IQCM: variants seen among roughly 807,000 people sequenced by gnomAD.
The protein encoded by IQCM is IQ domain-containing protein M.
Under a neutral mutation model 57.6 loss-of-function variants are expected in IQCM, and 45 were observed. The observed-to-expected ratio is 0.78, with a 90% CI of 0.62 to 1.00. IQCM has a LOEUF of 1.00. IQCM is among the 50% of genes least tolerant of loss of function. The probability of loss-of-function intolerance (pLI) is 0.00; values close to 1 mark genes in which losing one functional copy is unlikely to be tolerated. For synonymous variants in IQCM, 148 were observed against 158.9 expected (o/e 0.93, Z 0.51); for missense variants, 468 against 511.6 (o/e 0.91, Z 0.82).
chr4:149,456,889 G>T (rs1052203205), intron 12 of IQCM, among the ~76,000 whole-genome samples: 4 of 152,058 alleles, frequency 2.6e-5, no homozygotes, highest in African/African-American at 9.7e-5. Flanking sequence ...GTAAAGAGGT[G>T]AGTTAACATT....
rs1487058835 is a variant in IQCM, at chr4:149,471,522, C to T, written c.1229-37965G>A. ...GTCCAGGCCCAGATGGATTCACAGC[C>T]GAATTCTACCAGAGGTACAAAGAGG... On this transcript the variant is annotated intron_variant, in intron 12 of 13. Transcript: ENST00000636793. 2.0e-5 allele frequency among the ~76,000 whole-genome samples: 3 copies of T among 152,070 alleles called. No individual in the cohort carries two copies. The East Asian group carries it at 5.8e-4, about 29-fold the overall frequency.
intron 12 of IQCM, among the ~76,000 whole-genome samples, chr4:149,532,850 T>C (rs1307189702): frequency 1.3e-5 from 2 of 152,024 alleles, no homozygotes; most frequent in African/African-American, 4.8e-5. Flanking sequence ...CATAAACAAA[T>C]ACAGAGAAAC....
chr4:149,815,238 G>A (rs1185451797), intron 2 of IQCM, 73 bp downstream of exon 2: 2 of 151,914 alleles, frequency 1.3e-5, no homozygotes, highest in South Asian at 2.1e-4. Context: ...ATGCAATGCC[G>A]CTTAAAATCA....
intron 7 of IQCM, among the ~76,000 whole-genome samples, chr4:149,628,901 G>A (rs1379401644): frequency 6.6e-6 from 1 of 152,064 alleles, no homozygotes; most frequent in Non-Finnish European, 1.5e-5. Flanking sequence ...ACCACCAACA[G>A]AATTTTCAGG....
chr4:149,769,550 A>G (rs1389785449), intron 2 of IQCM, among the ~76,000 whole-genome samples: 1 of 151,834 alleles, frequency 6.6e-6, no homozygotes, highest in African/African-American at 2.4e-5. Context: ...ACAATGCTCT[A>G]TAGCTAAAAA....
At position 149,504,915 on chromosome 4, in the gene IQCM, A is replaced by G. The variant is rs1743632981; in HGVS notation, c.1228+43540T>C. On this transcript the variant is annotated intron_variant, in intron 12 of 13. Coordinates refer to ENST00000636793, the MANE Select transcript of IQCM (RefSeq NM_001363507.2). ...CAAAACAACAGAGAGAGAGAGAGAG[A>G]CCCTGGGAGGGCTCCTTTATCCCAG... Among the ~76,000 whole-genome samples, 3 of 151,938 alleles carry G rather than the reference A, an allele frequency of 2.0e-5. No homozygotes were observed. In the South Asian group the frequency reaches 6.2e-4, roughly 32 times the overall value.
intron 12 of IQCM, among the ~76,000 whole-genome samples, chr4:149,501,427 A>G (rs1579280387): frequency 6.6e-6 from 1 of 152,332 alleles, no homozygotes; most frequent in Middle Eastern, 3.4e-3. Context: ...GGACAGTAAG[A>G]AACTCCTGTT....
At chr4:149,468,017 G>T (rs568448853) in intron 12 of IQCM, among the ~76,000 whole-genome samples, 6 of 152,228 alleles carry the variant, frequency 3.9e-5, no homozygotes, top group African/African-American at 1.4e-4. Flanking sequence ...AGATTGCTAG[G>T]GGGAGGCTCC....
intron 13 of IQCM, among the ~76,000 whole-genome samples, chr4:149,367,875 G>T (rs545073509): frequency 1.4e-3 from 217 of 152,026 alleles, no homozygotes; most frequent in African/African-American, 5.1e-3. Flanking sequence ...ATCTCACTGT[G>T]TTTTTTCACC....
chr4:149,760,577 C>T (rs1769409496), intron 2 of IQCM, among the ~76,000 whole-genome samples: 1 of 152,002 alleles, frequency 6.6e-6, no homozygotes, highest in African/African-American at 2.4e-5. Flanking sequence ...ATTTCATGTG[C>T]TGGAAAATGC....
intron 11 of IQCM, among the ~76,000 whole-genome samples, chr4:149,551,326 G>A (rs1168757374): frequency 6.6e-6 from 1 of 152,128 alleles, no homozygotes; most frequent in African/African-American, 2.4e-5. Flanking sequence ...CAGCTAGAAA[G>A]CACCAGAGTC....
chr4:149,529,551 G>A (rs759998689), intron 12 of IQCM, among the ~76,000 whole-genome samples: 2 of 152,120 alleles, frequency 1.3e-5, no homozygotes, highest in African/African-American at 2.4e-5. Flanking sequence ...TAGGCTACAG[G>A]GATTTTGCCA....
At chr4:149,544,188 C>T (rs1748153037) in intron 12 of IQCM, among the ~76,000 whole-genome samples, 1 of 152,088 alleles carries the variant, frequency 6.6e-6, no homozygotes, top group African/African-American at 2.4e-5. Context: ...TCTCTAAACA[C>T]AGTAGAAAGC....
intron 9 of IQCM, among the ~76,000 whole-genome samples, chr4:149,570,954 C>T (rs1017595787): frequency 1.3e-5 from 2 of 152,084 alleles, no homozygotes; most frequent in Non-Finnish European, 2.9e-5. Context: ...GAGTTATCAC[C>T]TCACACATGT....
chr4:149,665,199 T>C (rs1391825763), intron 7 of IQCM, among the ~76,000 whole-genome samples: 1 of 151,968 alleles, frequency 6.6e-6, no homozygotes, highest in Admixed American at 6.6e-5. Context: ...ACTTAAATCA[T>C]AGGAAAGGAA....
intron 13 of IQCM, among the ~76,000 whole-genome samples, chr4:149,414,873 A>G (rs1285450008): frequency 6.6e-6 from 1 of 152,116 alleles, no homozygotes; most frequent in Admixed American, 6.5e-5. Context: ...TAAGTCACAG[A>G]GAAAAAATAT....
chr4:149,422,224 G>A (rs962420586), intron 13 of IQCM, among the ~76,000 whole-genome samples: 2 of 151,906 alleles, frequency 1.3e-5, no homozygotes, highest in African/African-American at 4.8e-5. Flanking sequence ...TACTTAATAT[G>A]TGTAGTTGGA....
intron 8 of IQCM, among the ~76,000 whole-genome samples, chr4:149,608,829 T>C (rs1755023409): frequency 6.6e-6 from 1 of 151,412 alleles, no homozygotes; most frequent in Non-Finnish European, 1.5e-5. Flanking sequence ...AATAACCTAA[T>C]GATGCATCTT....
intron 4 of IQCM, among the ~76,000 whole-genome samples, chr4:149,734,238 T>A (rs895930857): frequency 4.6e-5 from 7 of 152,138 alleles, no homozygotes; most frequent in Non-Finnish European, 7.4e-5. Context: ...TAAGGAGGTT[T>A]TAGTGTGCTA....
Sources: gnomAD v4.1 joint callset for allele counts (sites outside exome capture counted in the v4.1 genomes callset) on GRCh38, gnomAD v4.1.1 for gene constraint, MANE v1.5 for transcripts, NCBI Gene and HGNC (gene_info 2026-07-23, HGNC 2026-07-21) for gene names.